The following THSD4 variants were observed in gnomAD, a reference collection of about 807,000 sequenced individuals.
THSD4 encodes the protein thrombospondin type 1 domain containing 4.
A neutral mutation model predicts 119.0 loss-of-function variants in THSD4; 69 were observed. That is an observed-to-expected ratio of 0.58 (90% CI 0.48 to 0.71). THSD4 has a LOEUF of 0.71. THSD4 is among the 30% of genes least tolerant of loss of function. THSD4 has a pLI of 0.00. For synonymous variants in THSD4, 524 were observed against 540.4 expected (o/e 0.97, Z 0.42); for missense variants, 1,393 against 1,391.1 (o/e 1.00, Z -0.02).
chr15:71,290,579 G>A (rs2044776567), intron 6 of THSD4, among the ~76,000 whole-genome samples: 1 of 152,188 alleles, frequency 6.6e-6, no homozygotes, highest in African/African-American at 2.4e-5. Flanking sequence ...TAAATGCATT[G>A]TAATTAAATT....
intron 7 of THSD4, among the ~76,000 whole-genome samples, chr15:71,549,360 G>T (rs2048891530): frequency 6.6e-6 from 1 of 152,038 alleles, no homozygotes; most frequent in Non-Finnish European, 1.5e-5. Context: ...GTGCATGTGT[G>T]TGCATGCGTG....
chr15:71,745,810 A>G (rs2053325512), intron 12 of THSD4, among the ~76,000 whole-genome samples: 1 of 152,102 alleles, frequency 6.6e-6, no homozygotes, highest in African/African-American at 2.4e-5. Flanking sequence ...ACGCCTGGCT[A>G]ATTTTTGTAT....
At chr15:71,663,259 AAAG>A (rs1487209392) in intron 8 of THSD4, among the ~76,000 whole-genome samples, 19 of 152,164 alleles carry the variant, frequency 1.2e-4, no homozygotes, top group Middle Eastern at 6.8e-3. Context: ...ATCAAAAAAA[AAAG>A]AAAAAGAAAA....
chr15:71,556,848 C>T (rs2140872308), intron 7 of THSD4, among the ~76,000 whole-genome samples: 1 of 151,278 alleles, frequency 6.6e-6, no homozygotes, highest in East Asian at 1.9e-4. Flanking sequence ...TATGTAGGAA[C>T]TTTTGTAATT....
intron 7 of THSD4, among the ~76,000 whole-genome samples, chr15:71,567,609 C>CAT (rs1236477774): frequency 6.7e-6 from 1 of 148,856 alleles, no homozygotes; most frequent in East Asian, 1.9e-4. Flanking sequence ...CCCCCACACA[C>CAT]ACACACACAC....
In THSD4 at chr15:71,394,716, C is replaced by T. The variant is rs76652697; in HGVS notation, c.1016-16971C>T. Among the ~76,000 whole-genome samples, 351 of 152,352 alleles carry T rather than the reference C, an allele frequency of 2.3e-3. 4 individuals carry two copies. Among genetic ancestry groups the T allele is most frequent in the African/African-American group, 7.9e-3 (330 of 41,584 alleles). ...CAGTTCAGTTCAGAAGTCACTTCCT[C>T]AGTAAAACCTTTCCTGATACCCTGG... On this transcript the variant is annotated intron_variant, in intron 6 of 17. Transcript: ENST00000261862.
At chr15:71,478,957 A>G (rs1201131759) in intron 7 of THSD4, among the ~76,000 whole-genome samples, 1 of 152,196 alleles carries the variant, frequency 6.6e-6, no homozygotes, top group East Asian at 1.9e-4. Flanking sequence ...TCCTGAAACC[A>G]CAGGTCTGCT....
chr15:71,716,634 T>C (rs1435552123), intron 8 of THSD4, among the ~76,000 whole-genome samples: 1 of 150,810 alleles, frequency 6.6e-6, no homozygotes, highest in East Asian at 2.0e-4. Context: ...AGATCATAGC[T>C]GACTGTACTT....
intron 7 of THSD4, among the ~76,000 whole-genome samples, chr15:71,433,366 C>G (rs1403956272): frequency 6.6e-6 from 1 of 151,194 alleles, no homozygotes; most frequent in Middle Eastern, 3.5e-3. Flanking sequence ...TTATCCCATT[C>G]ATATTTACCT....
intron 7 of THSD4, among the ~76,000 whole-genome samples, chr15:71,603,799 G>A (rs1277984363): frequency 6.6e-6 from 1 of 152,176 alleles, no homozygotes; most frequent in East Asian, 1.9e-4. Context: ...GAAGACAATT[G>A]CTGTTATTGG....
At chr15:71,665,370 A>G (rs1226142739) in intron 8 of THSD4, among the ~76,000 whole-genome samples, 1 of 151,968 alleles carries the variant, frequency 6.6e-6, no homozygotes, top group African/African-American at 2.4e-5. Context: ...TAAACTTGTG[A>G]AAGTTCCTTA....
chr15:71,228,159 G>A (rs1391419537), intron 4 of THSD4, among the ~76,000 whole-genome samples: 1 of 152,028 alleles, frequency 6.6e-6, no homozygotes, highest in African/African-American at 2.4e-5. Flanking sequence ...ATTCAGGTGA[G>A]TTCTATGTGC....
chr15:71,204,294 A>G (rs1403948912), intron 3 of THSD4, among the ~76,000 whole-genome samples: 2 of 152,148 alleles, frequency 1.3e-5, no homozygotes, highest in African/African-American at 4.8e-5. Context: ...TCACATCCAA[A>G]TATTTACCTC....
chr15:71,461,075 G>A (rs2047423146), intron 7 of THSD4, among the ~76,000 whole-genome samples: 1 of 152,152 alleles, frequency 6.6e-6, no homozygotes, highest in African/African-American at 2.4e-5. Context: ...GAATTCAGGA[G>A]CAGCTTAACT....
At chr15:71,123,666 C>G (rs1331039435) in intron 1 of THSD4, among the ~76,000 whole-genome samples, 2 of 152,130 alleles carry the variant, frequency 1.3e-5, no homozygotes, top group African/African-American at 4.8e-5. Flanking sequence ...GGGACCCAGA[C>G]AGGCATCAGA....
At chr15:71,390,485 A>G (rs1056606743) in intron 6 of THSD4, among the ~76,000 whole-genome samples, 3 of 152,338 alleles carry the variant, frequency 2.0e-5, no homozygotes, top group Admixed American at 6.5e-5. Context: ...TTTCCTTTAC[A>G]TAAGTCTACA....
intron 3 of THSD4, among the ~76,000 whole-genome samples, chr15:71,195,807 A>G (rs2043714387): frequency 6.6e-6 from 1 of 152,114 alleles, no homozygotes; most frequent in Non-Finnish European, 1.5e-5. Context: ...GGTGATAGCT[A>G]CCAATTATTG....
chr15:71,613,937 T>G (rs1287449823), intron 7 of THSD4, among the ~76,000 whole-genome samples: 1 of 152,200 alleles, frequency 6.6e-6, no homozygotes, highest in Non-Finnish European at 1.5e-5. Flanking sequence ...GACTAGACCA[T>G]AAACTCAATA....
chr15:71,464,257 C>T (rs140271291), intron 7 of THSD4, among the ~76,000 whole-genome samples: 3 of 152,350 alleles, frequency 2.0e-5, no homozygotes, highest in African/African-American at 7.2e-5. Context: ...CTCTCCACCC[C>T]AGAACCTTCA....
Sources: allele counts gnomAD v4.1 joint callset (sites outside exome capture counted in the v4.1 genomes callset), GRCh38; gene constraint gnomAD v4.1.1; transcripts MANE v1.5; gene names NCBI Gene and HGNC (gene_info 2026-07-23, HGNC 2026-07-21).